ADGRL4: variants seen among roughly 807,000 people sequenced by gnomAD.
ADGRL4 encodes EGF, latrophilin and seven transmembrane domain containing 1.
Under a neutral mutation model 74.8 loss-of-function variants are expected in ADGRL4, and 90 were observed. The ratio of observed to expected loss-of-function variants is 1.20; its 90% confidence interval spans 1.02 to 1.43. The LOEUF is 1.43. Among genes scored for constraint, ADGRL4 ranks in the 40% most tolerant of loss-of-function variants. The probability of loss-of-function intolerance (pLI) is 0.00; values close to 1 mark genes in which losing one functional copy is unlikely to be tolerated. For missense variants in ADGRL4, 881 were observed against 814.3 expected (o/e 1.08, Z -1.00); for synonymous variants, 311 against 279.2 (o/e 1.11, Z -1.14).
At chr1:78,926,206 G>C (rs1033696418) in intron 8 of ADGRL4, among the ~76,000 whole-genome samples, 1 of 151,964 alleles carries the variant, frequency 6.6e-6, no homozygotes, top group African/African-American at 2.4e-5. Context: ...GAAAGTACTC[G>C]AATCATGTAC....
chr1:78,997,366 A>T (rs959701046), intron 2 of ADGRL4, among the ~76,000 whole-genome samples: 27 of 152,110 alleles, frequency 1.8e-4, no homozygotes, highest in Admixed American at 1.8e-3. Context: ...GGAAACTTTA[A>T]CCTCAATCTT....
intron 2 of ADGRL4, among the ~76,000 whole-genome samples, chr1:78,968,639 CTT>C (rs1650107806): frequency 6.6e-6 from 1 of 152,080 alleles, no homozygotes; most frequent in African/African-American, 2.4e-5. Flanking sequence ...AGCTGCTACT[CTT>C]TATAGCACCT....
intron 2 of ADGRL4, among the ~76,000 whole-genome samples, chr1:78,971,467 G>T (rs958295701): frequency 9.9e-5 from 15 of 152,042 alleles, no homozygotes; most frequent in African/African-American, 3.6e-4. Flanking sequence ...CCCTTTGCAG[G>T]GGGGAAAAGC....
intron 14 of ADGRL4, 129 bp downstream of exon 14, chr1:78,891,394 TA>T: frequency 8.1e-7 from 1 of 1,230,118 alleles, no homozygotes; most frequent in South Asian, 1.6e-5. Context: ...CATATTTTCC[TA>T]TGAACAGCTA....
At chr1:78,980,079 T>C (rs1444781783) in intron 2 of ADGRL4, among the ~76,000 whole-genome samples, 1 of 151,728 alleles carries the variant, frequency 6.6e-6, no homozygotes, top group Non-Finnish European at 1.5e-5. Flanking sequence ...TTTTAGTATG[T>C]AGCTCAGGTT....
intron 2 of ADGRL4, among the ~76,000 whole-genome samples, chr1:78,993,107 T>A (rs1180115950): frequency 1.3e-5 from 2 of 152,128 alleles, no homozygotes; most frequent in African/African-American, 4.8e-5. Context: ...TACGTTTTTT[T>A]AATTTAAACC....
intron 2 of ADGRL4, among the ~76,000 whole-genome samples, chr1:78,985,420 C>A (rs1295247748): frequency 4.0e-5 from 6 of 151,670 alleles, no homozygotes; most frequent in Non-Finnish European, 8.9e-5. Context: ...TTTATCAAAA[C>A]AAAATATGCT....
intron 2 of ADGRL4, among the ~76,000 whole-genome samples, chr1:79,001,157 AG>A (rs1297959351): frequency 4.6e-5 from 2 of 43,772 alleles, no homozygotes; most frequent in Non-Finnish European, 9.4e-5. Flanking sequence ...GGAAGACAGA[AG>A]GAAGGAAGGA....
intron 2 of ADGRL4, among the ~76,000 whole-genome samples, chr1:79,003,261 A>G (rs555908393): frequency 1.3e-5 from 2 of 152,102 alleles, no homozygotes; most frequent in East Asian, 3.9e-4. Context: ...TATCCTGACT[A>G]AAAAAAGGTT....
chr1:78,963,949 C>T (rs1365627814), intron 2 of ADGRL4, among the ~76,000 whole-genome samples: 2 of 152,152 alleles, frequency 1.3e-5, no homozygotes, highest in African/African-American at 4.8e-5. Flanking sequence ...TCCAGTTCTA[C>T]AATAATTGCC....
chr1:78,891,043 T>C lies in ADGRL4; in HGVS notation c.*111A>G. The C allele has an allele frequency of 9.4e-7, 1 of 1,063,080 alleles. No individual in the cohort carries two copies. Among genetic ancestry groups the C allele is most frequent in the East Asian group, 2.4e-5 (1 of 41,720 alleles). The allele number at this position is 1,063,080 out of a possible 1,614,324, so 65.9% of individuals were successfully genotyped here. On this transcript the variant is annotated 3_prime_UTR_variant, in exon 15 of 15. Coordinates refer to ENST00000370742, the MANE Select transcript of ADGRL4 (RefSeq NM_022159.4). ...AGAAAAACTGATTTAAAATACTTTT[T>C]GTCTAGTAGTTAATAATTGGATAAT...
chr1:78,939,436 G>C lies in ADGRL4; in HGVS notation c.326-178C>G, dbSNP rs181474839. 4.4e-3 allele frequency among the ~76,000 whole-genome samples: 665 copies of C among 151,868 alleles called. 6 individuals are homozygous for C. The highest frequency in any genetic ancestry group is 0.012 in the East Asian group (60 of 5,166). On this transcript the variant is annotated intron_variant, in intron 3 of 14. Coordinates refer to ENST00000370742, the MANE Select transcript of ADGRL4 (RefSeq NM_022159.4). ...TATTTTACAGAAAATGAAATAAAAGGGTTTTAAGGGCCAAGAAATGTTAGT... is the reference window on the plus strand; with the variant it reads ...TATTTTACAGAAAATGAAATAAAAGCGTTTTAAGGGCCAAGAAATGTTAGT...
chr1:78,936,174 A>G lies in ADGRL4; in HGVS notation c.877+121T>C, dbSNP rs1024659989. 44 of 975,290 alleles carry G rather than the reference A, an allele frequency of 4.5e-5. No individual in the cohort carries two copies. In the Admixed American group the frequency reaches 5.1e-4, roughly 11 times the overall value. 60.4% of individuals were successfully genotyped at this position (975,290 alleles called of 1,614,324 possible). On this transcript the variant is annotated intron_variant, in intron 7 of 14. Transcript: ENST00000370742. ...AATATGGATATTCTGTATACTGTAC[A>G]TACATCAAATGTTTTTATAGGAAAC...
At chr1:78,914,486 A>T (rs976718168) in intron 12 of ADGRL4, among the ~76,000 whole-genome samples, 4 of 151,818 alleles carry the variant, frequency 2.6e-5, no homozygotes, top group African/African-American at 9.7e-5. Flanking sequence ...CCTAATCAGT[A>T]GGTCATTGCT....
intron 12 of ADGRL4, among the ~76,000 whole-genome samples, chr1:78,909,926 A>T (rs2100661890): frequency 6.6e-6 from 1 of 152,036 alleles, no homozygotes; most frequent in African/African-American, 2.4e-5. Context: ...TAAATAAATT[A>T]GCACATAGTC....
At chr1:78,917,729 T>C in intron 11 of ADGRL4, 29 bp from the exon 12 acceptor site, 1 of 1,593,086 alleles carries the variant, frequency 6.3e-7, no homozygotes, top group Non-Finnish European at 8.6e-7. Context: ...ATAGAATCTA[T>C]AAATATGTTT....
chr1:78,959,236 A>C (rs1045066718), intron 2 of ADGRL4, among the ~76,000 whole-genome samples: 6 of 152,244 alleles, frequency 3.9e-5, no homozygotes, highest in Non-Finnish European at 8.8e-5. Context: ...AATTCATTGA[A>C]GAAAACAGAA....
intron 2 of ADGRL4, among the ~76,000 whole-genome samples, chr1:78,973,209 G>GT (rs1043579118): frequency 2.6e-5 from 4 of 151,734 alleles, no homozygotes; most frequent in Non-Finnish European, 4.4e-5. Flanking sequence ...AAATTTGTGT[G>GT]TTTTTTTAAA....
intron 2 of ADGRL4, among the ~76,000 whole-genome samples, chr1:78,961,677 A>T (rs1490094309): frequency 6.6e-6 from 1 of 152,142 alleles, no homozygotes; most frequent in Non-Finnish European, 1.5e-5. Flanking sequence ...GCAGCAGGAC[A>T]TCAGGGTCAC....
Sources: allele counts gnomAD v4.1 joint callset (sites outside exome capture counted in the v4.1 genomes callset), GRCh38; gene constraint gnomAD v4.1.1; transcripts MANE v1.5; gene names NCBI Gene and HGNC (gene_info 2026-07-23, HGNC 2026-07-21).